PIGU: variants seen among roughly 807,000 people sequenced by gnomAD.
The protein encoded by PIGU is phosphatidylinositol glycan anchor biosynthesis class U, also known as GPI-anchor transamidase component PIGU.
PIGU carries 24 observed loss-of-function variants against 49.9 expected under a neutral mutation model. That is an observed-to-expected ratio of 0.48 (90% CI 0.35 to 0.68). The LOEUF (loss-of-function observed/expected upper bound fraction) is 0.68, where lower values mean the gene tolerates loss of function less well. PIGU is among the 30% of genes least tolerant of loss of function. The pLI is 0.01. For synonymous variants in PIGU, 220 were observed against 205.7 expected (o/e 1.07, Z -0.59); for missense variants, 490 against 532.6 (o/e 0.92, Z 0.79).
At chr20:34,600,945 A>G (rs1984392872) in intron 7 of PIGU, among the ~76,000 whole-genome samples, 1 of 152,120 alleles carries the variant, frequency 6.6e-6, no homozygotes, top group African/African-American at 2.4e-5. Flanking sequence ...AAGGCAGGAA[A>G]ATTGCTTGAA....
chr20:34,590,498 A>G (rs1207397963), intron 7 of PIGU, among the ~76,000 whole-genome samples: 1 of 152,024 alleles, frequency 6.6e-6, no homozygotes. Context: ...CAGAGGCTGT[A>G]GTGAGCCGAG....
chr20:34,624,615 T>G (rs1044839631), intron 6 of PIGU, among the ~76,000 whole-genome samples: 1 of 152,224 alleles, frequency 6.6e-6, no homozygotes, highest in Non-Finnish European at 1.5e-5. Context: ...TCTATTAGCA[T>G]CTGTTTGTCT....
In PIGU at chr20:34,637,989, GA is replaced by G. The variant is rs562683306; in HGVS notation, c.319-5del. 0.072 allele frequency: 81,940 copies of G among 1,138,978 alleles called. 48 individuals are homozygous for G. Among genetic ancestry groups the G allele is most frequent in the East Asian group, 0.12 (3,582 of 30,092 alleles). 70.6% of individuals were successfully genotyped at this position (1,138,978 alleles called of 1,614,324 possible). On this transcript the variant is annotated splice_region_variant and splice_polypyrimidine_tract_variant and intron_variant, in intron 4 of 11. Coordinates refer to ENST00000217446, the MANE Select transcript of PIGU (RefSeq NM_080476.5). The stretch of plus-strand genomic sequence containing the variant: ...GGAGGAGTTTCTGCTTTTTAAACTA[GA>G]AAAAAAAAAAAAAGGAAAAGATAAA...
rs899431997 is a variant in PIGU, at chr20:34,560,728, G to A, written c.*138C>T. 1 of 582,810 alleles carries A rather than the reference G, an allele frequency of 1.7e-6. No homozygotes were observed. Among genetic ancestry groups the A allele is most frequent in the Admixed American group, 3.6e-5 (1 of 27,398 alleles). 36.1% of individuals were successfully genotyped at this position (582,810 alleles called of 1,614,324 possible). On this transcript the variant is annotated 3_prime_UTR_variant, in exon 12 of 12. Coordinates refer to ENST00000217446, the MANE Select transcript of PIGU (RefSeq NM_080476.5). The stretch of plus-strand genomic sequence containing the variant: ...TGTCAGTCAGCCATGGGTCCCTTTT[G>A]GTACCAGAGACTTGTGACCCTGGAC...
intron 6 of PIGU, among the ~76,000 whole-genome samples, chr20:34,626,603 CA>C (rs1245278488): frequency 6.6e-6 from 1 of 151,810 alleles, no homozygotes; most frequent in Non-Finnish European, 1.5e-5. Flanking sequence ...CGCGCCTGGC[CA>C]AAAAAACTCC....
At chr20:34,652,522 T>C (rs1398063884) in intron 2 of PIGU, among the ~76,000 whole-genome samples, 1 of 152,244 alleles carries the variant, frequency 6.6e-6, no homozygotes, top group Non-Finnish European at 1.5e-5. Context: ...TATAATTTTA[T>C]CTTTTCCTAG....
At chr20:34,569,125 G>A (rs1436659020) in intron 11 of PIGU, among the ~76,000 whole-genome samples, 1 of 152,072 alleles carries the variant, frequency 6.6e-6, no homozygotes, top group African/African-American at 2.4e-5. Context: ...GACCTCTTGA[G>A]CCTAAGAGGT....
intron 8 of PIGU, 146 bp from the exon 9 acceptor site, chr20:34,585,726 C>G: frequency 2.5e-6 from 2 of 787,730 alleles, no homozygotes; most frequent in Non-Finnish European, 4.0e-6. Context: ...GAAGGGCTCT[C>G]TAGGTACCCT....
At chr20:34,596,746 G>A (rs545641878) in intron 7 of PIGU, among the ~76,000 whole-genome samples, 4 of 152,126 alleles carry the variant, frequency 2.6e-5, no homozygotes, top group Non-Finnish European at 5.9e-5. Flanking sequence ...TGTTCAAATC[G>A]TTTACATAGT....
chr20:34,588,583 T>A lies in PIGU; in HGVS notation c.652A>T (p.Lys218Ter), dbSNP rs926780211. Residue 218 changes from lysine to a stop codon, truncating the protein, a stop_gained, in exon 8 of 12, where the codon AAG becomes TAG. Coordinates refer to ENST00000217446, the MANE Select transcript of PIGU (RefSeq NM_080476.5). LOFTEE classifies it high-confidence loss of function. Reference protein sequence around the residue: ...LQRQYIPVKMKSKAFWIFSWE... With the variant: ...LQRQYIPVKM Reference sequence around the variant, plus strand: ...GAAAAGATCCAGAAGGCTTTGCTCTTCATTTTCACAGGTATGTACTGCCGC... The same window carrying A: ...GAAAAGATCCAGAAGGCTTTGCTCTACATTTTCACAGGTATGTACTGCCGC... The A allele has an allele frequency of 6.2e-7, 1 of 1,614,076 alleles. No homozygotes were observed. Among genetic ancestry groups the A allele is most frequent in the Admixed American group, 1.7e-5 (1 of 60,016 alleles).
At chr20:34,584,630 C>T (rs1021116423) in intron 9 of PIGU, among the ~76,000 whole-genome samples, 5 of 151,452 alleles carry the variant, frequency 3.3e-5, no homozygotes, top group Non-Finnish European at 5.9e-5. Context: ...CTGCCTCAGC[C>T]TCCCAAGCAG....
intron 4 of PIGU, among the ~76,000 whole-genome samples, chr20:34,639,319 T>C (rs1387555659): frequency 2.0e-5 from 3 of 152,096 alleles, no homozygotes; most frequent in Admixed American, 2.0e-4. Flanking sequence ...GAGAATGGCG[T>C]GAACCCGGGA....
chr20:34,634,498 T>A, intron 6 of PIGU, 117 bp downstream of exon 6: 2 of 1,361,510 alleles, frequency 1.5e-6, no homozygotes, highest in South Asian at 1.8e-5. Flanking sequence ...GTGTAATTTT[T>A]AAAAATGTTT....
At chr20:34,636,120 C>G (rs1985954673) in intron 5 of PIGU, among the ~76,000 whole-genome samples, 1 of 151,662 alleles carries the variant, frequency 6.6e-6, no homozygotes, top group Admixed American at 6.6e-5. Flanking sequence ...AGAATCACTT[C>G]AGTCCAGGAG....
At chr20:34,657,073 G>A (rs974673145) in intron 2 of PIGU, 107 bp downstream of exon 2, 12 of 894,262 alleles carry the variant, frequency 1.3e-5, no homozygotes, top group Non-Finnish European at 2.1e-5. Context: ...AAATATGATC[G>A]TCAAGAATAC....
chr20:34,640,515 ACACACACACACACACACACACC>A (rs949071044), intron 4 of PIGU, among the ~76,000 whole-genome samples: 8 of 112,692 alleles, frequency 7.1e-5, no homozygotes, highest in East Asian at 2.5e-4. Context: ...ACACACACAC[ACACACACACACACACACACACC>A]CCTTAAGAAA....
intron 4 of PIGU, among the ~76,000 whole-genome samples, chr20:34,640,052 A>T (rs1190797061): frequency 6.6e-6 from 1 of 152,120 alleles, no homozygotes; most frequent in Non-Finnish European, 1.5e-5. Context: ...GTGAGAAAGG[A>T]ATAGAGTTCA....
chr20:34,626,749 C>CA (rs1338284440), intron 6 of PIGU, among the ~76,000 whole-genome samples: 6 of 151,806 alleles, frequency 4.0e-5, no homozygotes, highest in Non-Finnish European at 4.4e-5. Flanking sequence ...AGGCAAAAAA[C>CA]AAAAAAAGCT....
intron 7 of PIGU, among the ~76,000 whole-genome samples, chr20:34,590,209 G>A (rs1256887851): frequency 6.6e-6 from 1 of 151,764 alleles, no homozygotes; most frequent in Non-Finnish European, 1.5e-5. Context: ...AAACAGAAAT[G>A]AGTTTAAACA....
Sources: allele counts gnomAD v4.1 joint callset (sites outside exome capture counted in the v4.1 genomes callset), GRCh38; gene constraint gnomAD v4.1.1; transcripts MANE v1.5; gene names NCBI Gene and HGNC (gene_info 2026-07-23, HGNC 2026-07-21).